Variants in ENY2 observed in about 807,000 individuals in gnomAD.
ENY2 encodes the protein ENY2 transcription and export complex 2 subunit.
ENY2 carries 4 observed loss-of-function variants against 15.9 expected under a neutral mutation model. That is an observed-to-expected ratio of 0.25 (90% CI 0.12 to 0.57). ENY2 has a LOEUF of 0.57. Ranked by LOEUF, ENY2 falls within the 20% of genes least tolerant of loss-of-function variation. ENY2 has a pLI of 0.91. For synonymous variants in ENY2, 48 were observed against 38.0 expected, an observed-to-expected ratio of 1.26 and a Z score of -0.97; for missense variants, 54 against 117.2, an observed-to-expected ratio of 0.46 and a Z score of 2.49.
intron 2 of ENY2, 138 bp from the exon 3 acceptor site, chr8:109,339,182 G>C: frequency 1.5e-6 from 1 of 670,604 alleles, no homozygotes; most frequent in Non-Finnish European, 2.6e-6. Context: ...TTTAGCATTT[G>C]AACCAAGATT....
At chr8:109,341,423 A>T (rs1335542776) in intron 4 of ENY2, among the ~76,000 whole-genome samples, 1 of 152,078 alleles carries the variant, frequency 6.6e-6, no homozygotes, top group Non-Finnish European at 1.5e-5. Flanking sequence ...ATTGAAAAAC[A>T]TGACTTTTTC....
chr8:109,340,272 G>T, intron 3 of ENY2: 1 of 549,952 alleles, frequency 1.8e-6, no homozygotes, highest in South Asian at 2.2e-5. Context: ...CAATTATTTA[G>T]TTGCTGGTTA....
At chr8:109,335,929 A>G (rs954349134) in intron 1 of ENY2, 199 bp from the exon 2 acceptor site, 1 of 413,404 alleles carries the variant, frequency 2.4e-6, no homozygotes, top group Non-Finnish European at 4.3e-6. Context: ...GATGTTTAAA[A>G]AAAAGCAAAC....
At chr8:109,337,355 G>GT (rs59215219) in intron 2 of ENY2, among the ~76,000 whole-genome samples, 95 of 147,836 alleles carry the variant, frequency 6.4e-4, no homozygotes, top group Admixed American at 1.4e-3. Flanking sequence ...ATTGTATGTT[G>GT]TTTTTTTTTT....
Position 109,345,323 on chromosome 8 carries a change from A to G in ENY2, c.*1842A>G, listed in dbSNP as rs2130214281. ...GGGCAAGGGAAAAAATGAAGGAACA[A>G]GTGAATGAACAGTATGGGAGTATGA... On this transcript the variant is annotated 3_prime_UTR_variant, in exon 5 of 5. Transcript: ENST00000521688. 1 of 152,224 alleles carries G rather than the reference A, an allele frequency of 6.6e-6. No homozygotes were observed. The highest frequency in any genetic ancestry group is 1.9e-4 in the East Asian group (1 of 5,186). 9.4% of individuals were successfully genotyped at this position (152,224 alleles called of 1,614,324 possible). A position where few individuals can be genotyped will look rare whatever the true frequency, so the allele number is the denominator to read the frequency against.
chr8:109,340,504 A>C lies in ENY2; in HGVS notation c.170A>C (p.Lys57Thr). Residue 57 changes from lysine to threonine, a missense_variant, in exon 4 of 5, where the codon AAA becomes ACA. Physicochemically the swap from Lys to Thr is moderately conservative, Grantham distance 78. Transcript: ENST00000521688. ...KAHCKEVIKE[K>T]GLEHVTVDDL... ...TTTGCATAAGAGGTAATTAAAGAAA[A>C]AGGACTAGAACACGTTACTGTTGAT... The C allele has an allele frequency of 6.2e-7, 1 of 1,613,404 alleles. No homozygotes were observed. The highest frequency in any genetic ancestry group is 8.5e-7 in the Non-Finnish European group (1 of 1,179,480).
chr8:109,340,311 T>C, intron 3 of ENY2, 178 bp from the exon 4 acceptor site: 1 of 805,796 alleles, frequency 1.2e-6, no homozygotes, highest in Non-Finnish European at 1.9e-6. Flanking sequence ...ACAACTTTTA[T>C]CTTTTAGATC....
chr8:109,339,433 G>C, intron 3 of ENY2, 43 bp downstream of exon 3: 2 of 1,560,720 alleles, frequency 1.3e-6, no homozygotes, highest in Non-Finnish European at 1.8e-6. Context: ...CCATTTTTCT[G>C]ATCAGGATTG....
intron 4 of ENY2, among the ~76,000 whole-genome samples, chr8:109,341,738 A>G (rs150260629): frequency 6.6e-6 from 1 of 152,214 alleles, no homozygotes; most frequent in Admixed American, 6.5e-5. Flanking sequence ...GAGAAGACAT[A>G]CTTTTTAACA....
At position 109,345,366 on chromosome 8, in the gene ENY2, G is replaced by A. The variant is rs1816222162; in HGVS notation, c.*1885G>A. ...GAGTATGAGAAAAGGTATAAATTGG[G>A]TATAGTTGAGAAAAGGATTCAAATT... is the stretch of plus-strand genomic sequence containing the variant. On this transcript the variant is annotated 3_prime_UTR_variant, in exon 5 of 5. Coordinates refer to ENST00000521688, the MANE Select transcript of ENY2 (RefSeq NM_020189.6). The A allele has an allele frequency of 6.6e-6, 1 of 152,122 alleles. No homozygotes were observed. The highest frequency in any genetic ancestry group is 1.5e-5 in the Non-Finnish European group (1 of 68,010). 9.4% of individuals were successfully genotyped at this position (152,122 alleles called of 1,614,324 possible).
At position 109,334,351 on chromosome 8, in the gene ENY2, G is replaced by A. The variant is rs1815900540; in HGVS notation, c.-118G>A. On this transcript the variant is annotated 5_prime_UTR_variant, in exon 1 of 5. Transcript: ENST00000521688. ...AAATGCGTGTTCTAGCTTTCTGTGT[G>A]CTTAGGTGCCCGAGCTACTGAGGGT... is the stretch of plus-strand genomic sequence containing the variant. The A allele has an allele frequency of 6.8e-7, 1 of 1,470,716 alleles. No individual in the cohort carries two copies. Among genetic ancestry groups the A allele is most frequent in the Non-Finnish European group, 9.4e-7 (1 of 1,063,614 alleles). 91.1% of individuals were successfully genotyped at this position (1,470,716 alleles called of 1,614,324 possible). A position where few individuals can be genotyped will look rare whatever the true frequency, so the allele number is the denominator to read the frequency against.
chr8:109,342,817 A>C (rs1816151975), intron 4 of ENY2: 3 of 595,508 alleles, frequency 5.0e-6, no homozygotes, highest in Non-Finnish European at 9.1e-6. Context: ...ACAGTATATT[A>C]TTGACCTTTG....
At chr8:109,337,391 G>T (rs1008219702) in intron 2 of ENY2, among the ~76,000 whole-genome samples, 1 of 151,606 alleles carries the variant, frequency 6.6e-6, no homozygotes, top group East Asian at 1.9e-4. Context: ...GATTCATGCA[G>T]CTTCAAGTTA....
intron 4 of ENY2, among the ~76,000 whole-genome samples, chr8:109,341,209 G>C (rs1007580000): frequency 1.1e-4 from 16 of 152,086 alleles, no homozygotes. Context: ...ATTTACTTTG[G>C]TAAAGTTGGG....
chr8:109,339,294 A>G (rs777155653), intron 2 of ENY2, 26 bp from the exon 3 acceptor site: 44 of 1,608,782 alleles, frequency 2.7e-5, no homozygotes, highest in Non-Finnish European at 3.4e-5. Context: ...ACATTGTTCA[A>G]TTTGAAAACA....
chr8:109,334,632 T>C, intron 1 of ENY2, 158 bp downstream of exon 1: 1 of 810,498 alleles, frequency 1.2e-6, no homozygotes, highest in Non-Finnish European at 1.8e-6. Flanking sequence ...CAGTCCTCGC[T>C]TTGTTTTCTG....
rs1816224089 is a variant in ENY2, at chr8:109,345,444, C to G, written c.*1963C>G. The G allele has an allele frequency of 6.6e-6, 1 of 152,098 alleles. No individual in the cohort carries two copies. The highest frequency in any genetic ancestry group is 2.4e-5 in the African/African-American group (1 of 41,430). The allele number at this position is 152,098 out of a possible 1,614,324, so 9.4% of individuals were successfully genotyped here. The stretch of plus-strand genomic sequence containing the variant: ...CTTTCTGATGAATTTAAAGTGTAGT[C>G]TTTGAACCAGCTGGGCTTAATTATG... On this transcript the variant is annotated 3_prime_UTR_variant, in exon 5 of 5. Coordinates refer to ENST00000521688, the MANE Select transcript of ENY2 (RefSeq NM_020189.6).
At chr8:109,339,156 T>G in intron 2 of ENY2, 164 bp from the exon 3 acceptor site, 70 of 595,256 alleles carry the variant, frequency 1.2e-4, no homozygotes, top group East Asian at 2.0e-4. Flanking sequence ...AGTACTTGCA[T>G]GAGATCAAAG....
At chr8:109,341,215 T>A (rs983568341) in intron 4 of ENY2, among the ~76,000 whole-genome samples, 1 of 152,150 alleles carries the variant, frequency 6.6e-6, no homozygotes, top group Admixed American at 6.5e-5. Flanking sequence ...TTTGGTAAAG[T>A]TGGGGTTGTA....
Sources: gnomAD v4.1 joint callset for allele counts (sites outside exome capture counted in the v4.1 genomes callset) on GRCh38, gnomAD v4.1.1 for gene constraint, MANE v1.5 for transcripts, NCBI Gene and HGNC (gene_info 2026-07-23, HGNC 2026-07-21) for gene names.